The following ACTN1 variants were observed in gnomAD, a reference collection of about 807,000 sequenced individuals.
The protein encoded by ACTN1 is alpha-actinin-1.
ACTN1 carries 30 observed loss-of-function variants against 119.6 expected under a neutral mutation model. The observed-to-expected ratio is 0.25, with a 90% CI of 0.19 to 0.34. The LOEUF (loss-of-function observed/expected upper bound fraction) is 0.34, where lower values mean the gene tolerates loss of function less well. Ranked by LOEUF, ACTN1 falls within the 10% of genes least tolerant of loss-of-function variation. The probability of loss-of-function intolerance (pLI) is 1.00; values close to 1 mark genes in which losing one functional copy is unlikely to be tolerated. For synonymous variants in ACTN1, 429 were observed against 472.6 expected, an observed-to-expected ratio of 0.91 and a Z score of 1.20; for missense variants, 764 against 1,223.4, an observed-to-expected ratio of 0.62 and a Z score of 5.60.
At chr14:68,961,473 CAAGT>C (rs1395776758) in intron 1 of ACTN1, among the ~76,000 whole-genome samples, 1 of 152,142 alleles carries the variant, frequency 6.6e-6, no homozygotes, top group Non-Finnish European at 1.5e-5. Context: ...GTGGGTGAAG[CAAGT>C]AAGGCAAGCA....
chr14:68,978,377 G>T, intron 1 of ACTN1: 1 of 379,198 alleles, frequency 2.6e-6, no homozygotes, highest in Non-Finnish European at 5.2e-6. Flanking sequence ...CTCGTCCCCA[G>T]CCGCACTCCA....
intron 6 of ACTN1, among the ~76,000 whole-genome samples, chr14:68,904,952 C>T (rs2033575926): frequency 1.3e-5 from 2 of 152,192 alleles, no homozygotes; most frequent in Admixed American, 6.5e-5. Flanking sequence ...CTTCAAGCTT[C>T]AGATTGTCAG....
Position 68,890,269 on chromosome 14 carries a change from C to G in ACTN1, c.1104G>C (p.Trp368Cys), listed in dbSNP as rs1236148312. The G allele has an allele frequency of 6.2e-7, 1 of 1,614,216 alleles. No individual in the cohort carries two copies. The highest frequency in any genetic ancestry group is 8.5e-7 in the Non-Finnish European group (1 of 1,180,032). The change falls in exon 11 of 22, where the codon TGG (tryptophan) becomes TGC (cysteine). Residue 368 changes from tryptophan (W) to cysteine (C), a missense_variant. By Grantham distance (215) the Trp-to-Cys change is radical (BLOSUM62 -2). Transcript: ENST00000394419. ...GRMVSDINNA[W>C]GCLEQVEKGY... is the part of the protein sequence containing the mutation. ...CCTTCTCCACCTGCTCCAGGCAGCC[C>G]CAGGCATTGTTGATGTCCTGTGGGG...
chr14:68,960,237 GA>G (rs768134907), intron 1 of ACTN1, among the ~76,000 whole-genome samples: 2 of 152,014 alleles, frequency 1.3e-5, no homozygotes, highest in Admixed American at 1.3e-4. Context: ...TAACTTTTAT[GA>G]AAAAAAATCT....
At chr14:68,920,119 T>C (rs1371614756) in intron 3 of ACTN1, among the ~76,000 whole-genome samples, 1 of 152,276 alleles carries the variant, frequency 6.6e-6, no homozygotes, top group African/African-American at 2.4e-5. Flanking sequence ...CACTTACTGA[T>C]GGCGGAACCT....
At chr14:68,932,558 G>T (rs2035275156) in intron 1 of ACTN1, among the ~76,000 whole-genome samples, 1 of 134,826 alleles carries the variant, frequency 7.4e-6, no homozygotes, top group Admixed American at 8.0e-5. Context: ...TTGGAGACTG[G>T]GTCTCTCTAT....
chr14:68,916,277 T>G (rs568133827), intron 3 of ACTN1, among the ~76,000 whole-genome samples: 37 of 152,136 alleles, frequency 2.4e-4, no homozygotes, highest in Non-Finnish European at 4.7e-4. Context: ...ACGGCCAAAC[T>G]CCAGGGCCTC....
At chr14:68,922,369 C>A (rs558448810) in intron 2 of ACTN1, among the ~76,000 whole-genome samples, 1 of 152,240 alleles carries the variant, frequency 6.6e-6, no homozygotes, top group Non-Finnish European at 1.5e-5. Context: ...CAGGGAAGCA[C>A]AGCTGTTTTT....
chr14:68,929,902 A>G (rs998211301), intron 1 of ACTN1, among the ~76,000 whole-genome samples: 1 of 152,202 alleles, frequency 6.6e-6, no homozygotes, highest in African/African-American at 2.4e-5. Context: ...CCTGTAGTTC[A>G]GGGTTGCAAA....
intron 11 of ACTN1, 74 bp downstream of exon 11, chr14:68,890,065 T>C (rs2032352951): frequency 1.9e-6 from 3 of 1,560,272 alleles, no homozygotes; most frequent in East Asian, 2.3e-5. Context: ...AAGAATAGCA[T>C]AGTGGCTGCT....
In ACTN1 at chr14:68,909,906, G is replaced by C. The variant is rs3742891; in HGVS notation, c.515+49C>G. On this transcript the variant is annotated intron_variant, in intron 5 of 21. Coordinates refer to ENST00000394419, the MANE Select transcript of ACTN1 (RefSeq NM_001130004.2). This position sits in a 1 kb window ranked among gnomAD's most constrained non-coding sequence, Gnocchi z 4.1. ...CAGCCAAGGGGGTCTGGGAGCTCCC[G>C]GGGGAGGCAGCCTGGTTCTGTGAGA... The C allele has an allele frequency of 6.4e-7, 1 of 1,554,974 alleles. No homozygotes were observed. Among genetic ancestry groups the C allele is most frequent in the Non-Finnish European group, 8.9e-7 (1 of 1,128,608 alleles).
At chr14:68,941,965 G>A (rs932095231) in intron 1 of ACTN1, among the ~76,000 whole-genome samples, 3 of 152,118 alleles carry the variant, frequency 2.0e-5, no homozygotes, top group Admixed American at 6.5e-5. Flanking sequence ...CCTCCTCCCT[G>A]AGGGACAACC....
At position 68,885,338 on chromosome 14, in the gene ACTN1, C is replaced by G. The variant is rs1047567263; in HGVS notation, c.1385+87G>C. 1.4e-5 allele frequency: 20 copies of G among 1,478,176 alleles called. No homozygotes were observed. The African/African-American group carries it at 2.7e-4, about 20-fold the overall frequency. The allele number at this position is 1,478,176 out of a possible 1,614,324, so 91.6% of individuals were successfully genotyped here. A position where few individuals can be genotyped will look rare whatever the true frequency, so the allele number is the denominator to read the frequency against. ...ACCTGTACCCACCCTCCCCATCTTCCACGGCCACACCCCCACCTCCCCCAG... is the reference window on the plus strand; with the variant it reads ...ACCTGTACCCACCCTCCCCATCTTCGACGGCCACACCCCCACCTCCCCCAG... On this transcript the variant is annotated intron_variant, in intron 12 of 21. Transcript: ENST00000394419. This position sits in a 1 kb window ranked among gnomAD's most constrained non-coding sequence, Gnocchi z 5.6.
At chr14:68,950,099 G>A (rs926511949) in intron 1 of ACTN1, among the ~76,000 whole-genome samples, 9 of 152,078 alleles carry the variant, frequency 5.9e-5, no homozygotes, top group Non-Finnish European at 4.4e-5. Context: ...TTCGAGACCA[G>A]CCTAGCCAAC....
intron 3 of ACTN1, among the ~76,000 whole-genome samples, chr14:68,920,170 T>C (rs2140349729): frequency 6.6e-6 from 1 of 152,370 alleles, no homozygotes. Flanking sequence ...TGTTTTCTTA[T>C]GGCAAAATCA....
intron 1 of ACTN1, among the ~76,000 whole-genome samples, chr14:68,932,515 T>TA (rs2035270283): frequency 1.0e-5 from 1 of 99,546 alleles, no homozygotes; most frequent in African/African-American, 5.5e-5. Context: ...ACACCCAGCT[T>TA]TTTTTTTTTT....
intron 10 of ACTN1, among the ~76,000 whole-genome samples, chr14:68,890,522 G>T (rs1292326328): frequency 1.3e-5 from 2 of 152,156 alleles, no homozygotes; most frequent in Non-Finnish European, 2.9e-5. Context: ...ATCTACATTG[G>T]TCACCCAGCT....
At chr14:68,899,269 CCACACCTCACACCACAAA>C (rs1238306208) in intron 8 of ACTN1, among the ~76,000 whole-genome samples, 1 of 146,008 alleles carries the variant, frequency 6.8e-6, no homozygotes. Context: ...CACCCACATG[CCACACCTCACACCACAAA>C]CACACCTCAC....
At position 68,882,188 on chromosome 14, in the gene ACTN1, G is replaced by C. The variant is rs957462038; in HGVS notation, c.1953+270C>G. Among the ~76,000 whole-genome samples the C allele has an allele frequency of 1.3e-5, 2 of 151,982 alleles. No individual in the cohort carries two copies. Among genetic ancestry groups the C allele is most frequent in the Non-Finnish European group, 2.9e-5 (2 of 67,996 alleles). On this transcript the variant is annotated intron_variant, in intron 16 of 21. Coordinates refer to ENST00000394419, the MANE Select transcript of ACTN1 (RefSeq NM_001130004.2). The surrounding 1 kb of genome is among the most constrained non-coding windows in gnomAD (Gnocchi z 4.5). ...TGACCTCAGGTGATCCACCTGCCTC[G>C]GCCTCCCAAAGTGCTGGGATTACAG...
Sources: gnomAD v4.1 joint callset for allele counts (sites outside exome capture counted in the v4.1 genomes callset) on GRCh38, gnomAD v4.1.1 for gene constraint, Gnocchi (gnomAD v3.1) non-coding constraint, MANE v1.5 for transcripts, NCBI Gene and HGNC (gene_info 2026-07-23, HGNC 2026-07-21) for gene names.